The following GRIK4 variants were observed in gnomAD, a reference collection of about 807,000 sequenced individuals.
The protein encoded by GRIK4 is glutamate receptor ionotropic, kainate 4.
GRIK4 carries 40 observed loss-of-function variants against 104.9 expected under a neutral mutation model. The observed-to-expected ratio is 0.38, with a 90% CI of 0.30 to 0.50. The LOEUF (loss-of-function observed/expected upper bound fraction) is 0.50, where lower values mean the gene tolerates loss of function less well. Among genes scored for constraint, GRIK4 ranks in the 20% least tolerant of loss-of-function variants. The probability of loss-of-function intolerance (pLI) is 0.93; values close to 1 mark genes in which losing one functional copy is unlikely to be tolerated. For missense variants in GRIK4, 1,047 were observed against 1,308.1 expected (o/e 0.80, Z 3.08); for synonymous variants, 485 against 524.9 (o/e 0.92, Z 1.04).
At chr11:120,886,224 T>C (rs1458798249) in intron 11 of GRIK4, among the ~76,000 whole-genome samples, 1 of 152,246 alleles carries the variant, frequency 6.6e-6, no homozygotes, top group Non-Finnish European at 1.5e-5. Flanking sequence ...TGAACAAGGC[T>C]GCACCGTGTC....
intron 1 of GRIK4, among the ~76,000 whole-genome samples, chr11:120,582,779 T>G (rs547004137): frequency 2.2e-4 from 33 of 152,338 alleles, no homozygotes; most frequent in Admixed American, 1.3e-3. Context: ...TTAGGTTGAT[T>G]CCATGTCTTT....
chr11:120,801,234 T>C (rs1370117578), intron 3 of GRIK4, among the ~76,000 whole-genome samples: 2 of 152,206 alleles, frequency 1.3e-5, no homozygotes, highest in Non-Finnish European at 2.9e-5. Flanking sequence ...TAATGGTGTG[T>C]TTGTTTTTTC....
intron 1 of GRIK4, among the ~76,000 whole-genome samples, chr11:120,645,696 A>C (rs1297828630): frequency 1.3e-5 from 2 of 152,222 alleles, no homozygotes; most frequent in Non-Finnish European, 2.9e-5. Flanking sequence ...CTGGGCAGCC[A>C]GCTGTGGTCT....
chr11:120,537,218 T>C (rs747155985), intron 1 of GRIK4, among the ~76,000 whole-genome samples: 3 of 152,164 alleles, frequency 2.0e-5, no homozygotes, highest in Non-Finnish European at 4.4e-5. Flanking sequence ...CTTCAACTAG[T>C]GGACATGCAG....
At chr11:120,834,491 A>G (rs1953520930) in intron 7 of GRIK4, among the ~76,000 whole-genome samples, 1 of 152,088 alleles carries the variant, frequency 6.6e-6, no homozygotes, top group Admixed American at 6.5e-5. Flanking sequence ...TGCCTTCCCA[A>G]TGGCCCAGGC....
rs1944758349 is a variant in GRIK4, at chr11:120,986,565, G to A, written c.*305G>A. The A allele has an allele frequency of 2.8e-6, 1 of 353,316 alleles. No individual in the cohort carries two copies. Among genetic ancestry groups the A allele is most frequent in the African/African-American group, 2.2e-5 (1 of 45,698 alleles). The allele number at this position is 353,316 out of a possible 1,614,324, so 21.9% of individuals were successfully genotyped here. A position where few individuals can be genotyped will look rare whatever the true frequency, so the allele number is the denominator to read the frequency against. The stretch of plus-strand genomic sequence containing the variant: ...CTCGCCAAAATAACAAGAGTATAGG[G>A]TGGGGGGTCCCTACCCAGACCAGTC... On this transcript the variant is annotated 3_prime_UTR_variant, in exon 21 of 21. Transcript: ENST00000527524.
chr11:120,911,186 G>T (rs189025822), intron 13 of GRIK4, among the ~76,000 whole-genome samples: 19 of 152,116 alleles, frequency 1.2e-4, no homozygotes, highest in African/African-American at 4.3e-4. Context: ...GCAAGAGATG[G>T]TGAGAACCAA....
rs147501892 is a variant in GRIK4, at chr11:120,743,666, C to T, written c.83-59027C>T. On this transcript the variant is annotated intron_variant, in intron 3 of 20. Transcript: ENST00000527524. The stretch of plus-strand genomic sequence containing the variant: ...CCTGGGTTCAAATCCCAGCTCTGCC[C>T]ATTACTGCCTGGGGTATTGTTGCAA... Among the ~76,000 whole-genome samples the T allele has an allele frequency of 3.3e-3, 495 of 152,278 alleles. 2 individuals carry two copies. Among genetic ancestry groups the T allele is most frequent in the African/African-American group, 0.011 (464 of 41,564 alleles).
chr11:120,952,785 C>G lies in GRIK4; in HGVS notation c.1591-70C>G. The G allele has an allele frequency of 4.8e-6, 5 of 1,049,298 alleles. No individual in the cohort carries two copies. The highest frequency in any genetic ancestry group is 7.5e-6 in the Non-Finnish European group (5 of 665,224). The allele number at this position is 1,049,298 out of a possible 1,614,324, so 65.0% of individuals were successfully genotyped here. On this transcript the variant is annotated intron_variant, in intron 14 of 20. Transcript: ENST00000527524. This position sits in a 1 kb window ranked among gnomAD's most constrained non-coding sequence, Gnocchi z 5.2. ...CCCACACTCACTACCTCCTCTACCC[C>G]GCCCTGCCTGCCCCAAGGTCATGTT... is the stretch of plus-strand genomic sequence containing the variant.
In GRIK4 at chr11:120,953,005, C is replaced by G. The variant is rs529855033; in HGVS notation, c.1700+41C>G. On this transcript the variant is annotated intron_variant, in intron 15 of 20. Transcript: ENST00000527524. This position sits in a 1 kb window ranked among gnomAD's most constrained non-coding sequence, Gnocchi z 4.9. ...CTTCCCTGTCCTTACACCGCCACCT[C>G]GTGTCCACCTCTGGGAACTGCATGG... The G allele has an allele frequency of 2.6e-4, 284 of 1,084,548 alleles. No homozygotes were observed. In the South Asian group the frequency reaches 3.2e-3, roughly 12 times the overall value. 67.2% of individuals were successfully genotyped at this position (1,084,548 alleles called of 1,614,324 possible).
chr11:120,645,565 C>T (rs1036267246), intron 1 of GRIK4, among the ~76,000 whole-genome samples: 7 of 152,146 alleles, frequency 4.6e-5, no homozygotes, highest in Non-Finnish European at 8.8e-5. Context: ...TTGGATCACC[C>T]GGATGGGACT....
At chr11:120,568,939 A>G (rs1449490649) in intron 1 of GRIK4, among the ~76,000 whole-genome samples, 2 of 152,208 alleles carry the variant, frequency 1.3e-5, no homozygotes, top group Non-Finnish European at 1.5e-5. Flanking sequence ...AAACAGAACC[A>G]TTTTTCAGGT....
At chr11:120,721,074 G>C (rs777118456) in intron 3 of GRIK4, among the ~76,000 whole-genome samples, 5 of 152,162 alleles carry the variant, frequency 3.3e-5, no homozygotes, top group Non-Finnish European at 5.9e-5. Context: ...TGGAGGGAAA[G>C]ACATGCTTTT....
chr11:120,595,610 G>A (rs1948790254), intron 1 of GRIK4, among the ~76,000 whole-genome samples: 1 of 152,164 alleles, frequency 6.6e-6, no homozygotes, highest in Non-Finnish European at 1.5e-5. Flanking sequence ...ACATGGAATG[G>A]TGGTTTCTAG....
At chr11:120,727,442 A>G (rs1488704186) in intron 3 of GRIK4, among the ~76,000 whole-genome samples, 1 of 152,210 alleles carries the variant, frequency 6.6e-6, no homozygotes, top group Non-Finnish European at 1.5e-5. Context: ...GCTCTGTGAA[A>G]TTAGAAAGGA....
chr11:120,918,581 C>A (rs149453440), intron 13 of GRIK4, among the ~76,000 whole-genome samples: 2,158 of 152,198 alleles, frequency 0.014, 43 homozygotes, highest in African/African-American at 0.05. Context: ...GGGGGGGTAT[C>A]TACTTGTCGA....
chr11:120,551,983 C>T (rs1194843303), intron 1 of GRIK4, among the ~76,000 whole-genome samples: 2 of 152,184 alleles, frequency 1.3e-5, no homozygotes, highest in Non-Finnish European at 2.9e-5. Context: ...CTACGTATCT[C>T]TTCATCTGTA....
intron 1 of GRIK4, among the ~76,000 whole-genome samples, chr11:120,612,937 C>A (rs1351890974): frequency 6.6e-6 from 1 of 152,198 alleles, no homozygotes; most frequent in Non-Finnish European, 1.5e-5. Context: ...GTCATGGGCA[C>A]ATGGTGCAAA....
intron 1 of GRIK4, among the ~76,000 whole-genome samples, chr11:120,541,372 G>A (rs1183570787): frequency 6.6e-6 from 1 of 152,200 alleles, no homozygotes; most frequent in Non-Finnish European, 1.5e-5. Flanking sequence ...CTTCTTAAGG[G>A]CAGGAGCTGT....
Sources: allele counts gnomAD v4.1 joint callset (sites outside exome capture counted in the v4.1 genomes callset), GRCh38; gene constraint gnomAD v4.1.1; non-coding constraint Gnocchi (gnomAD v3.1); transcripts MANE v1.5; gene names NCBI Gene and HGNC (gene_info 2026-07-23, HGNC 2026-07-21).